The following GAREM1 variants were observed in gnomAD, a reference collection of about 807,000 sequenced individuals.
GAREM1 encodes GRB2 associated regulator of MAPK1 subtype 1.
Under a neutral mutation model 71.3 loss-of-function variants are expected in GAREM1, and 26 were observed. The observed-to-expected ratio is 0.36, with a 90% CI of 0.27 to 0.51. The LOEUF (loss-of-function observed/expected upper bound fraction) is 0.51, where lower values mean the gene tolerates loss of function less well. Among genes scored for constraint, GAREM1 ranks in the 20% least tolerant of loss-of-function variants. The pLI is 0.95. For missense variants in GAREM1, 1,026 were observed against 1,103.1 expected (o/e 0.93, Z 0.99); for synonymous variants, 440 against 433.2 (o/e 1.02, Z -0.20).
chr18:32,325,773 G>A (rs550276600), intron 2 of GAREM1, among the ~76,000 whole-genome samples: 2 of 152,256 alleles, frequency 1.3e-5, no homozygotes, highest in Non-Finnish European at 2.9e-5. Context: ...CTCGTATCAT[G>A]CAACTTTGGT....
chr18:32,406,873 T>C (rs562675848), intron 1 of GAREM1, among the ~76,000 whole-genome samples: 5 of 152,282 alleles, frequency 3.3e-5, no homozygotes, highest in African/African-American at 9.6e-5. Flanking sequence ...GAACAGACAC[T>C]GGTATCAATC....
chr18:32,342,456 C>CA (rs1458605285), intron 2 of GAREM1, among the ~76,000 whole-genome samples: 1 of 152,172 alleles, frequency 6.6e-6, no homozygotes, highest in Non-Finnish European at 1.5e-5. Flanking sequence ...TGCATGATCC[C>CA]ACCAACCCGT....
At chr18:32,447,776 G>T (rs1263589690) in intron 1 of GAREM1, among the ~76,000 whole-genome samples, 1 of 152,062 alleles carries the variant, frequency 6.6e-6, no homozygotes, top group African/African-American at 2.4e-5. Context: ...CACATCATAG[G>T]CATGTTCACA....
chr18:32,396,376 C>T lies in GAREM1; in HGVS notation c.122-3341G>A, dbSNP rs544685794. ...CTTCTCTGAGCTAAAGGAGGAAGTT[C>T]GAACCCATTGCAAAGGAGATAAAAA... On this transcript the variant is annotated intron_variant, in intron 1 of 5. Transcript: ENST00000269209. Among the ~76,000 whole-genome samples the T allele has an allele frequency of 9.9e-5, 15 of 152,268 alleles. No homozygotes were observed. In the East Asian group the frequency reaches 1.9e-3, roughly 20 times the overall value.
chr18:32,457,640 T>G (rs1057439964), intron 1 of GAREM1, among the ~76,000 whole-genome samples: 4 of 152,146 alleles, frequency 2.6e-5, no homozygotes, highest in African/African-American at 7.2e-5. Flanking sequence ...CACTAAAAGA[T>G]TCTCTTAAAG....
intron 2 of GAREM1, among the ~76,000 whole-genome samples, chr18:32,348,397 A>G (rs1466830121): frequency 1.3e-5 from 2 of 152,196 alleles, no homozygotes; most frequent in Non-Finnish European, 2.9e-5. Flanking sequence ...AATATTCAAC[A>G]TCAGCCTAGA....
chr18:32,307,384 C>T (rs1167488587), intron 3 of GAREM1, among the ~76,000 whole-genome samples: 2 of 152,100 alleles, frequency 1.3e-5, no homozygotes, highest in South Asian at 4.2e-4. Context: ...AAAACTGCTT[C>T]TTGGATAATA....
At chr18:32,445,317 C>T (rs1392320386) in intron 1 of GAREM1, among the ~76,000 whole-genome samples, 2 of 151,222 alleles carry the variant, frequency 1.3e-5, no homozygotes, top group East Asian at 2.1e-4. Flanking sequence ...CTAAACCCCC[C>T]GCCCCTGCAA....
At chr18:32,468,483 A>G (rs2049018448) in intron 1 of GAREM1, among the ~76,000 whole-genome samples, 1 of 152,208 alleles carries the variant, frequency 6.6e-6, no homozygotes, top group Admixed American at 6.5e-5. Context: ...TACAATGAAG[A>G]ATTGGAATTA....
chr18:32,317,931 T>C (rs1000796787), intron 2 of GAREM1, among the ~76,000 whole-genome samples: 1 of 136,046 alleles, frequency 7.4e-6, no homozygotes, highest in African/African-American at 3.2e-5. Context: ...ACTAATTTTT[T>C]AAGACCATTT....
At chr18:32,413,065 C>T (rs562376635) in intron 1 of GAREM1, 131 of 1,563,260 alleles carry the variant, frequency 8.4e-5, no homozygotes, top group Admixed American at 2.7e-4. Flanking sequence ...GTGAGCGTTC[C>T]CCATTGCTCA....
intron 1 of GAREM1, among the ~76,000 whole-genome samples, chr18:32,405,922 G>C (rs1042327439): frequency 3.3e-5 from 5 of 152,186 alleles, no homozygotes; most frequent in African/African-American, 1.2e-4. Context: ...GTGATGTGTT[G>C]TAGTTTTCTT....
At chr18:32,391,314 TA>T (rs999747151) in intron 2 of GAREM1, among the ~76,000 whole-genome samples, 2 of 152,084 alleles carry the variant, frequency 1.3e-5, no homozygotes, top group African/African-American at 4.8e-5. Context: ...TTTGGAGAAG[TA>T]GACCAGAACC....
intron 1 of GAREM1, among the ~76,000 whole-genome samples, chr18:32,417,032 T>C (rs1426162395): frequency 2.6e-5 from 4 of 152,100 alleles, no homozygotes; most frequent in African/African-American, 9.7e-5. Flanking sequence ...GAAAAAAATC[T>C]AGTAATCCAA....
rs1181153642 is a variant in GAREM1 at position 32,452,870 on chromosome 18, A to G, written c.121+17438T>C. 6.0e-5 allele frequency among the ~76,000 whole-genome samples: 9 copies of G among 151,070 alleles called. No individual in the cohort carries two copies. The South Asian group carries it at 1.7e-3, about 28-fold the overall frequency. On this transcript the variant is annotated intron_variant, in intron 1 of 5. Coordinates refer to ENST00000269209, the MANE Select transcript of GAREM1 (RefSeq NM_001242409.2). Reference sequence around the variant, plus strand: ...ACTTCTACGTTTTTTTTTTTTTAAGAAACTTGGCATGTTATTAACTATAGG... The same window carrying G: ...ACTTCTACGTTTTTTTTTTTTTAAGGAACTTGGCATGTTATTAACTATAGG...
At chr18:32,289,217 T>C (rs191313634) in intron 3 of GAREM1, among the ~76,000 whole-genome samples, 68 of 152,272 alleles carry the variant, frequency 4.5e-4, no homozygotes, top group African/African-American at 1.5e-3. Context: ...TATCTGAGAC[T>C]ACAGGTGTGA....
chr18:32,465,817 G>A (rs1014606740), intron 1 of GAREM1, among the ~76,000 whole-genome samples: 2 of 152,182 alleles, frequency 1.3e-5, no homozygotes, highest in South Asian at 2.1e-4. Context: ...CCACGCTTGC[G>A]TTGGACATCC....
chr18:32,343,311 G>GTTTTTTTTTTTTTTTT (rs35086441), intron 2 of GAREM1, among the ~76,000 whole-genome samples: 1 of 118,886 alleles, frequency 8.4e-6, no homozygotes, highest in Admixed American at 8.6e-5. Flanking sequence ...CTCCCCCACT[G>GTTTTTTTTTTTTTTTT]TTTTTTTTTT....
At chr18:32,437,252 A>G (rs2048689105) in intron 1 of GAREM1, among the ~76,000 whole-genome samples, 1 of 152,170 alleles carries the variant, frequency 6.6e-6, no homozygotes, top group African/African-American at 2.4e-5. Flanking sequence ...AGAGGACTAC[A>G]GTAGCTCCTG....
Sources: gnomAD v4.1 joint callset for allele counts (sites outside exome capture counted in the v4.1 genomes callset) on GRCh38, gnomAD v4.1.1 for gene constraint, MANE v1.5 for transcripts, NCBI Gene and HGNC (gene_info 2026-07-23, HGNC 2026-07-21) for gene names.